The following AFAP1L1 variants were observed in gnomAD, a reference collection of about 807,000 sequenced individuals.
AFAP1L1 encodes the protein actin filament-associated protein 1-like 1.
AFAP1L1 carries 77 observed loss-of-function variants against 99.8 expected under a neutral mutation model. The observed-to-expected ratio is 0.77, with a 90% CI of 0.64 to 0.93. The LOEUF is 0.93. Among genes scored for constraint, AFAP1L1 ranks in the 40% least tolerant of loss-of-function variants. The probability of loss-of-function intolerance (pLI) is 0.00; values close to 1 mark genes in which losing one functional copy is unlikely to be tolerated. For missense variants in AFAP1L1, 893 were observed against 996.8 expected, an observed-to-expected ratio of 0.90 and a Z score of 1.40; for synonymous variants, 373 against 395.3, an observed-to-expected ratio of 0.94 and a Z score of 0.67.
chr5:149,284,425 A>C (rs527764481), intron 1 of AFAP1L1, among the ~76,000 whole-genome samples: 2 of 152,360 alleles, frequency 1.3e-5, no homozygotes, highest in African/African-American at 4.8e-5. Flanking sequence ...ATCTACGATG[A>C]GGGCTCATTG....
chr5:149,312,237 C>T lies in AFAP1L1; in HGVS notation c.1020+33C>T, dbSNP rs766026360. On this transcript the variant is annotated intron_variant, in intron 9 of 18. Coordinates refer to ENST00000296721, the MANE Select transcript of AFAP1L1 (RefSeq NM_152406.4). Reference sequence around the variant, plus strand: ...TGTCTCCACTAAGTCTTCCCCAGGCCAGGCAGTGGCCACTCAACACGGGCT... The same window carrying T: ...TGTCTCCACTAAGTCTTCCCCAGGCTAGGCAGTGGCCACTCAACACGGGCT... The T allele has an allele frequency of 1.6e-5, 26 of 1,603,592 alleles. No individual in the cohort carries two copies. The East Asian group carries it at 5.6e-4, about 34-fold the overall frequency.
intron 1 of AFAP1L1, among the ~76,000 whole-genome samples, chr5:149,298,115 G>A (rs1756073590): frequency 2.0e-5 from 3 of 152,316 alleles, no homozygotes; most frequent in Middle Eastern, 3.4e-3. Context: ...TCTTCTGCAA[G>A]GTGCTGTATC....
rs545101949 is a variant in AFAP1L1, at chr5:149,342,283, G to A, written c.*2253G>A. ...AGTTTTCACTGAAACCCTGAGATAA[G>A]TTATATTGCCCTAGTTTTCACAGTT... On this transcript the variant is annotated 3_prime_UTR_variant, in exon 19 of 19. Coordinates refer to ENST00000296721, the MANE Select transcript of AFAP1L1 (RefSeq NM_152406.4). Among the ~76,000 whole-genome samples, 1 of 152,288 alleles carries A rather than the reference G, an allele frequency of 6.6e-6. No individual in the cohort carries two copies. The highest frequency in any genetic ancestry group is 1.9e-4 in the East Asian group (1 of 5,186).
In AFAP1L1 at chr5:149,342,104, G is replaced by A. The variant is rs1290387179; in HGVS notation, c.*2074G>A. On this transcript the variant is annotated 3_prime_UTR_variant, in exon 19 of 19. Coordinates refer to ENST00000296721, the MANE Select transcript of AFAP1L1 (RefSeq NM_152406.4). Reference sequence around the variant, plus strand: ...CATGCAACCTGTGCAGTCACACAGGGCCCCATGCTTAGAAGGGCCCTGTTC... The same window carrying A: ...CATGCAACCTGTGCAGTCACACAGGACCCCATGCTTAGAAGGGCCCTGTTC... 6.6e-6 allele frequency among the ~76,000 whole-genome samples: 1 copy of A among 152,168 alleles called. No individual in the cohort carries two copies. Among genetic ancestry groups the A allele is most frequent in the Non-Finnish European group, 1.5e-5 (1 of 68,022 alleles).
At chr5:149,298,519 C>A (rs1581307467) in intron 1 of AFAP1L1, among the ~76,000 whole-genome samples, 1 of 152,144 alleles carries the variant, frequency 6.6e-6, no homozygotes, top group South Asian at 2.1e-4. Flanking sequence ...TAATAAAATA[C>A]TTGATATACG....
At position 149,333,940 on chromosome 5, in the gene AFAP1L1, C is replaced by T. The variant is rs959019113; in HGVS notation, c.2154+1067C>T. Among the ~76,000 whole-genome samples the T allele has an allele frequency of 2.0e-5, 3 of 152,174 alleles. No homozygotes were observed. The East Asian group carries it at 5.8e-4, about 29-fold the overall frequency. On this transcript the variant is annotated intron_variant, in intron 17 of 18. Transcript: ENST00000296721. ...GTGTGTATATATATTTGTGTCCTTG[C>T]TTGTCCAATGTCTGTCTTCTCCACT...
intron 3 of AFAP1L1, 64 bp from the exon 4 acceptor site, chr5:149,301,069 C>T (rs1756190098): frequency 6.7e-7 from 1 of 1,494,758 alleles, no homozygotes; most frequent in South Asian, 1.2e-5. Flanking sequence ...AAATCCAGCC[C>T]TCTTCCCCTG....
intron 17 of AFAP1L1, among the ~76,000 whole-genome samples, chr5:149,333,074 TG>T (rs1757304612): frequency 6.6e-6 from 1 of 152,248 alleles, no homozygotes; most frequent in African/African-American, 2.4e-5. Context: ...TCTTGGTTTC[TG>T]GCCTGTTCTT....
At chr5:149,294,197 G>T (rs976879999) in intron 1 of AFAP1L1, among the ~76,000 whole-genome samples, 1 of 152,166 alleles carries the variant, frequency 6.6e-6, no homozygotes, top group Non-Finnish European at 1.5e-5. Flanking sequence ...TTGTAAAAAT[G>T]CAAGTTCCTG....
rs1757581491 is a variant in AFAP1L1, at chr5:149,342,381, G to A, written c.*2351G>A. ...TAGTTCTTATATTTACATGCTGGTG[G>A]AGCCAGCATGTGAATATAAGAAGTC... is the stretch of plus-strand genomic sequence containing the variant. On this transcript the variant is annotated 3_prime_UTR_variant, in exon 19 of 19. Coordinates refer to ENST00000296721, the MANE Select transcript of AFAP1L1 (RefSeq NM_152406.4). Among the ~76,000 whole-genome samples, 1 of 152,112 alleles carries A rather than the reference G, an allele frequency of 6.6e-6. No individual in the cohort carries two copies. Among genetic ancestry groups the A allele is most frequent in the South Asian group, 2.1e-4 (1 of 4,836 alleles).
intron 15 of AFAP1L1, among the ~76,000 whole-genome samples, chr5:149,323,002 G>A (rs1323185340): frequency 6.6e-6 from 1 of 152,158 alleles, no homozygotes; most frequent in African/African-American, 2.4e-5. Flanking sequence ...CTGCTGCTCA[G>A]CTCCAGCAGA....
chr5:149,287,011 T>C (rs984372657), intron 1 of AFAP1L1, among the ~76,000 whole-genome samples: 1 of 152,198 alleles, frequency 6.6e-6, no homozygotes, highest in Non-Finnish European at 1.5e-5. Flanking sequence ...CAGTTTCCTG[T>C]CAGTAAAACT....
intron 7 of AFAP1L1, among the ~76,000 whole-genome samples, chr5:149,307,957 AC>A (rs1388798236): frequency 2.0e-5 from 3 of 151,954 alleles, no homozygotes; most frequent in African/African-American, 7.3e-5. Flanking sequence ...GGAGTTCGAG[AC>A]CAGCCTGGCC....
intron 15 of AFAP1L1, among the ~76,000 whole-genome samples, chr5:149,323,012 A>T (rs1403653114): frequency 6.6e-6 from 1 of 152,174 alleles, no homozygotes; most frequent in African/African-American, 2.4e-5. Flanking sequence ...GCTCCAGCAG[A>T]TGATCCCTAT....
rs775817290 is a variant in AFAP1L1, at chr5:149,340,044, A to T, written c.*14A>T. 6.2e-7 allele frequency: 1 copy of T among 1,613,908 alleles called. No homozygotes were observed. The highest frequency in any genetic ancestry group is 2.2e-5 in the East Asian group (1 of 44,882). ...AAGAAGACCTAGGAAGAGGATGAGG[A>T]TTTCATTCCAAAGGAAATACCAGCT... On this transcript the variant is annotated 3_prime_UTR_variant, in exon 19 of 19. Transcript: ENST00000296721.
chr5:149,311,479 C>A (rs764876030), intron 8 of AFAP1L1, among the ~76,000 whole-genome samples: 1 of 152,244 alleles, frequency 6.6e-6, no homozygotes, highest in Non-Finnish European at 1.5e-5. Flanking sequence ...GGCTCATCAT[C>A]TTAAGCTGTA....
In AFAP1L1 at chr5:149,310,029, C is replaced by T. The variant is rs1382611048; in HGVS notation, c.821C>T (p.Pro274Leu). Reference protein sequence around the residue: ...ALDTCSIIYVPKDSRHKRHEL... With the variant: ...ALDTCSIIYVLKDSRHKRHEL... ...GATACCTGCAGCATCATCTACGTGC[C>T]CAAGGACAGCCGGCACAAGAGGCAC... Residue 274 changes from proline to leucine, a missense_variant, in exon 8 of 19, where the codon CCC becomes CTC. Physicochemically the swap from Pro to Leu is moderately conservative, Grantham distance 98 (BLOSUM62 -3). Transcript: ENST00000296721. The T allele has an allele frequency of 1.9e-6, 3 of 1,614,232 alleles. No individual in the cohort carries two copies. Among genetic ancestry groups the T allele is most frequent in the South Asian group, 1.1e-5 (1 of 91,076 alleles).
intron 15 of AFAP1L1, among the ~76,000 whole-genome samples, chr5:149,328,544 C>T (rs1276973401): frequency 2.0e-5 from 3 of 152,196 alleles, no homozygotes; most frequent in Non-Finnish European, 2.9e-5. Context: ...CGCAGTGGCT[C>T]ACTCCTGTAA....
In AFAP1L1 at chr5:149,300,394, C is replaced by G. The variant is rs778556440; in HGVS notation, c.229+40C>G. 4.5e-6 allele frequency: 7 copies of G among 1,568,962 alleles called. No individual in the cohort carries two copies. The South Asian group carries it at 5.7e-5, about 13-fold the overall frequency. The stretch of plus-strand genomic sequence containing the variant: ...CCCAACCTCAGCTACGGAGCCATCC[C>G]TCTTTCCCTGTGTATGCAGAAGGGT... On this transcript the variant is annotated intron_variant, in intron 3 of 18. Coordinates refer to ENST00000296721, the MANE Select transcript of AFAP1L1 (RefSeq NM_152406.4).
Sources: allele counts gnomAD v4.1 joint callset (sites outside exome capture counted in the v4.1 genomes callset), GRCh38; gene constraint gnomAD v4.1.1; transcripts MANE v1.5; gene names NCBI Gene and HGNC (gene_info 2026-07-23, HGNC 2026-07-21).